Variants in MID1 observed in about 807,000 individuals in gnomAD.
MID1 encodes the protein midline 1.
In MID1, 7 loss-of-function variants were observed where a neutral mutation model predicts 40.4. That is an observed-to-expected ratio of 0.17 (90% CI 0.10 to 0.33). The LOEUF is 0.33. Among genes scored for constraint, MID1 ranks in the 10% least tolerant of loss-of-function variants. MID1 has a pLI of 1.00. For synonymous variants in MID1, 229 were observed against 221.2 expected (o/e 1.04, Z -0.31); for missense variants, 367 against 558.5 (o/e 0.66, Z 3.46).
At chrX:10,752,912 C>G (rs1371590066) in intron 1 of MID1, among the ~76,000 whole-genome samples, 1 of 112,498 alleles carries the variant, frequency 8.9e-6, no homozygotes, top group East Asian at 2.8e-4. Flanking sequence ...AAATCCCCTT[C>G]CGTCTAGTCT....
intron 1 of MID1, among the ~76,000 whole-genome samples, chrX:10,615,533 G>A (rs1206999364): frequency 2.7e-5 from 3 of 111,635 alleles, no homozygotes; most frequent in Admixed American, 9.5e-5. Context: ...CTTTCATAGC[G>A]CAAAGCAGGT....
rs367794468 is a variant in MID1 at position 10,751,134 on chromosome X, G to A, written c.-187+82420C>T. 5.5e-5 allele frequency among the ~76,000 whole-genome samples: 6 copies of A among 109,237 alleles called. No individual in the cohort carries two copies. In the East Asian group the frequency reaches 1.7e-3, roughly 31 times the overall value. The allele number at this position is 109,237 out of a possible 115,157, so 94.9% of individuals were successfully genotyped here. On this transcript the variant is annotated intron_variant, in intron 1 of 10. Coordinates refer to the MID1 transcript ENST00000380785. Reference sequence around the variant, plus strand: ...ACAAAAACTAGCTGGGCGTGTTGGCGCACCCCAGTAATTCCAGCTACTCGG... The same window carrying A: ...ACAAAAACTAGCTGGGCGTGTTGGCACACCCCAGTAATTCCAGCTACTCGG...
intron 3 of MID1, among the ~76,000 whole-genome samples, chrX:10,497,648 G>A (rs1343664608): frequency 4.5e-5 from 5 of 111,815 alleles, no homozygotes; most frequent in Non-Finnish European, 9.4e-5. Context: ...ATTCTATACT[G>A]AGGTCTCTTT....
intron 4 of MID1, among the ~76,000 whole-genome samples, chrX:10,488,025 G>A (rs983756192): frequency 1.2e-3 from 115 of 94,730 alleles, no homozygotes; most frequent in Non-Finnish European, 2.0e-3. Flanking sequence ...TCTATCACCC[G>A]GGCTGGAGTG....
intron 1 of MID1, among the ~76,000 whole-genome samples, chrX:10,586,257 C>G (rs1259150790): frequency 1.8e-5 from 2 of 111,762 alleles, no homozygotes; most frequent in African/African-American, 6.5e-5. Context: ...CCTTACTGTA[C>G]AAGTCCAAAT....
At chrX:10,807,093 A>C (rs1391304540) in intron 1 of MID1, among the ~76,000 whole-genome samples, 1 of 110,360 alleles carries the variant, frequency 9.1e-6, no homozygotes, top group Non-Finnish European at 1.9e-5. Context: ...AAAATACAAA[A>C]AATTAGCTGG....
intron 1 of MID1, among the ~76,000 whole-genome samples, chrX:10,725,102 C>A (rs189887287): frequency 1.8e-5 from 2 of 112,057 alleles, no homozygotes; most frequent in African/African-American, 6.5e-5. Flanking sequence ...ACAATTATGT[C>A]ATTGGAATAC....
At chrX:10,665,421 C>T (rs181991518) in intron 1 of MID1, among the ~76,000 whole-genome samples, 2 of 111,258 alleles carry the variant, frequency 1.8e-5, no homozygotes, top group East Asian at 5.7e-4. Context: ...CTTTTACACA[C>T]GAACCTCGCA....
intron 2 of MID1, among the ~76,000 whole-genome samples, chrX:10,528,794 T>C (rs898431358): frequency 1.8e-5 from 2 of 112,586 alleles, no homozygotes; most frequent in Admixed American, 9.4e-5. Context: ...AATGAACCTC[T>C]AGGAAGAATT....
intron 1 of MID1, among the ~76,000 whole-genome samples, chrX:10,764,289 T>C (rs1441616750): frequency 8.9e-6 from 1 of 111,929 alleles, no homozygotes; most frequent in Non-Finnish European, 1.9e-5. Context: ...CTAGGGTTTT[T>C]ATGGTTTTAC....
At chrX:10,652,820 G>T (rs1490859225) in intron 1 of MID1, among the ~76,000 whole-genome samples, 1 of 111,456 alleles carries the variant, frequency 9.0e-6, no homozygotes, top group Non-Finnish European at 1.9e-5. Flanking sequence ...ATATCAGCAT[G>T]ATTTGCACTC....
At chrX:10,826,771 A>C (rs1243334300) in intron 1 of MID1, among the ~76,000 whole-genome samples, 1 of 112,486 alleles carries the variant, frequency 8.9e-6, no homozygotes, top group Non-Finnish European at 1.9e-5. Context: ...ATATTTCATC[A>C]ATGTTTGTCT....
At chrX:10,804,879 C>T (rs933799788) in intron 1 of MID1, among the ~76,000 whole-genome samples, 7 of 111,090 alleles carry the variant, frequency 6.3e-5, no homozygotes, top group Non-Finnish European at 1.1e-4. Context: ...GGGCTTATTT[C>T]AAAATGGTTA....
intron 7 of MID1, among the ~76,000 whole-genome samples, chrX:10,462,839 T>TAACA (rs1408778082): frequency 8.9e-6 from 1 of 112,124 alleles, no homozygotes; most frequent in Non-Finnish European, 1.9e-5. Context: ...CACTGGTTTC[T>TAACA]AACATCCTTT....
chrX:10,566,321 A>G (rs1401081129), intron 2 of MID1, among the ~76,000 whole-genome samples: 2 of 111,474 alleles, frequency 1.8e-5, no homozygotes, highest in Non-Finnish European at 3.8e-5. Flanking sequence ...TCGTTTATAC[A>G]AGGAATAAAA....
At chrX:10,624,699 C>G (rs551032497), upstream of MID1, among the ~76,000 whole-genome samples, 1 of 111,911 alleles carries the variant, frequency 8.9e-6, no homozygotes, top group Non-Finnish European at 1.9e-5. Context: ...CACCCTCAAC[C>G]GTCTGGACTC....
intron 1 of MID1, among the ~76,000 whole-genome samples, chrX:10,777,553 T>C (rs1410839534): frequency 3.7e-5 from 4 of 108,520 alleles, no homozygotes; most frequent in Non-Finnish European, 7.6e-5. Context: ...CTTTTCTTTT[T>C]TTTTTTAACG....
At chrX:10,609,867 G>A (rs1387106402) in intron 1 of MID1, among the ~76,000 whole-genome samples, 1 of 109,812 alleles carries the variant, frequency 9.1e-6, no homozygotes, top group Non-Finnish European at 1.9e-5. Context: ...ACAGGCGCCC[G>A]CCACCATGCC....
intron 1 of MID1, among the ~76,000 whole-genome samples, chrX:10,819,767 T>C (rs775209656): frequency 1.8e-5 from 2 of 111,859 alleles, no homozygotes; most frequent in South Asian, 7.5e-4. Context: ...GGAAACTTCC[T>C]GCCAATATGC....
Sources: gnomAD v4.1 joint callset for allele counts (sites outside exome capture counted in the v4.1 genomes callset) on GRCh38, gnomAD v4.1.1 for gene constraint, MANE v1.5 for transcripts, NCBI Gene and HGNC (gene_info 2026-07-23, HGNC 2026-07-21) for gene names.